The following CHRM3 variants were observed in gnomAD, a reference collection of about 807,000 sequenced individuals.
CHRM3 encodes the protein muscarinic acetylcholine receptor M3.
A neutral mutation model predicts 41.8 loss-of-function variants in CHRM3; 11 were observed. That is an observed-to-expected ratio of 0.26 (90% CI 0.17 to 0.44). CHRM3 has a LOEUF of 0.44. Ranked by LOEUF, CHRM3 falls within the 20% of genes least tolerant of loss-of-function variation. The pLI is 1.00. For missense variants in CHRM3, 571 were observed against 745.4 expected (o/e 0.77, Z 2.72); for synonymous variants, 297 against 301.4 (o/e 0.99, Z 0.15).
intron 1 of CHRM3, among the ~76,000 whole-genome samples, chr1:239,473,311 G>C (rs1009421717): frequency 4.3e-5 from 6 of 140,430 alleles, no homozygotes; most frequent in African/African-American, 1.6e-4. Flanking sequence ...GCAAGTCAGA[G>C]ACTGGGGAAA....
intron 1 of CHRM3, among the ~76,000 whole-genome samples, chr1:239,431,893 C>A (rs1662862743): frequency 6.6e-6 from 1 of 152,106 alleles, no homozygotes; most frequent in Non-Finnish European, 1.5e-5. Flanking sequence ...TTAAATCTGC[C>A]AGAGCACTAA....
At chr1:239,645,673 A>G (rs1558415627) in intron 4 of CHRM3, among the ~76,000 whole-genome samples, 1 of 152,262 alleles carries the variant, frequency 6.6e-6, no homozygotes, top group Non-Finnish European at 1.5e-5. Flanking sequence ...TGTATTATAG[A>G]ATAGTGTTTA....
At chr1:239,541,997 T>C (rs1658828578) in intron 2 of CHRM3, among the ~76,000 whole-genome samples, 1 of 152,132 alleles carries the variant, frequency 6.6e-6, no homozygotes, top group Non-Finnish European at 1.5e-5. Context: ...CCGAAGAGCC[T>C]AGTGGAGTAT....
intron 6 of CHRM3, among the ~76,000 whole-genome samples, chr1:239,857,592 C>G (rs1471560587): frequency 6.6e-6 from 1 of 152,124 alleles, no homozygotes; most frequent in Non-Finnish European, 1.5e-5. Context: ...GGAAACTGAA[C>G]TACTGTGTGC....
intron 5 of CHRM3, among the ~76,000 whole-genome samples, chr1:239,740,624 C>T (rs972363551): frequency 2.6e-5 from 4 of 152,104 alleles, no homozygotes; most frequent in African/African-American, 9.7e-5. Flanking sequence ...CCCCTTGCCC[C>T]TCACCCCCTG....
intron 2 of CHRM3, among the ~76,000 whole-genome samples, chr1:239,497,601 C>T (rs754611124): frequency 4.6e-5 from 7 of 152,230 alleles, no homozygotes; most frequent in Non-Finnish European, 8.8e-5. Context: ...TCTGTACTCA[C>T]TTTTTATGCT....
intron 4 of CHRM3, among the ~76,000 whole-genome samples, chr1:239,662,253 C>G (rs2149016160): frequency 6.6e-6 from 1 of 152,038 alleles, no homozygotes; most frequent in Middle Eastern, 3.4e-3. Context: ...GCATAGAGTT[C>G]TAGTAATGAT....
chr1:239,532,542 G>A (rs1363212175), intron 2 of CHRM3, among the ~76,000 whole-genome samples: 1 of 150,414 alleles, frequency 6.6e-6, no homozygotes, highest in Admixed American at 6.6e-5. Flanking sequence ...GGAGAATGGC[G>A]TGAACCCGGG....
At chr1:239,446,534 T>C (rs1419296304) in intron 1 of CHRM3, among the ~76,000 whole-genome samples, 1 of 152,162 alleles carries the variant, frequency 6.6e-6, no homozygotes, top group Non-Finnish European at 1.5e-5. Flanking sequence ...AACTTAGAAA[T>C]GCAAATTAAA....
In CHRM3 at chr1:239,591,648, G is replaced by A. The variant is rs566375643; in HGVS notation, c.-312-40576G>A. Among the ~76,000 whole-genome samples the A allele has an allele frequency of 2.0e-5, 3 of 151,974 alleles. No homozygotes were observed. The East Asian group carries it at 5.8e-4, about 29-fold the overall frequency. ...ACAAGATTACTCTGAACTAAGATTCGGAAATGGCATTTTAATAGCCACTGA... is the reference window on the plus strand; with the variant it reads ...ACAAGATTACTCTGAACTAAGATTCAGAAATGGCATTTTAATAGCCACTGA... On this transcript the variant is annotated intron_variant, in intron 3 of 6. Transcript: ENST00000676153.
intron 1 of CHRM3, among the ~76,000 whole-genome samples, chr1:239,469,432 C>A (rs1181486255): frequency 2.6e-5 from 4 of 152,338 alleles, no homozygotes; most frequent in African/African-American, 7.2e-5. Flanking sequence ...TTAACAAATG[C>A]ACGTTTGAGG....
chr1:239,637,517 CTTTTTTTTT>C (rs149963225), intron 4 of CHRM3, among the ~76,000 whole-genome samples: 1 of 48,514 alleles, frequency 2.1e-5, no homozygotes, highest in Non-Finnish European at 3.5e-5. Flanking sequence ...TCATCAAAGT[CTTTTTTTTT>C]TTTTTTTTTT....
intron 5 of CHRM3, among the ~76,000 whole-genome samples, chr1:239,720,502 G>A (rs10925956): frequency 7.8e-4 from 118 of 151,708 alleles, no homozygotes; most frequent in South Asian, 2.1e-3. Context: ...GCCACTCAAC[G>A]CCAGACTTTT....
At position 239,822,457 on chromosome 1, in the gene CHRM3, C is replaced by T. The variant is rs531019291; in HGVS notation, c.-146-4795C>T. 3.9e-5 allele frequency among the ~76,000 whole-genome samples: 6 copies of T among 152,246 alleles called. No homozygotes were observed. The South Asian group carries it at 1.2e-3, about 32-fold the overall frequency. On this transcript the variant is annotated intron_variant, in intron 5 of 6. Transcript: ENST00000676153. ...ACCAGAACATCCAAAGGTGGATGTG[C>T]GGTGATTATAATGATTTATCTAGCA...
chr1:239,402,635 C>A (rs563181044), intron 1 of CHRM3, among the ~76,000 whole-genome samples: 1 of 152,278 alleles, frequency 6.6e-6, no homozygotes, highest in Admixed American at 6.5e-5. Flanking sequence ...CAAATTTATT[C>A]TCCCTAGCTT....
intron 5 of CHRM3, among the ~76,000 whole-genome samples, chr1:239,775,761 G>A (rs886364484): frequency 6.6e-6 from 1 of 152,206 alleles, no homozygotes; most frequent in African/African-American, 2.4e-5. Flanking sequence ...GAGAAATCGA[G>A]AGGCGAAACA....
Position 239,631,138 on chromosome 1 carries a change from T to C in CHRM3, c.-312-1086T>C, listed in dbSNP as rs566763545. On this transcript the variant is annotated intron_variant, in intron 3 of 6. Coordinates refer to ENST00000676153, the MANE Select transcript of CHRM3 (RefSeq NM_001375978.1). ...CTCAAACTGAAGAAGGAGCAATTAC[T>C]CTTGTCCCCCATATCCTTTGCATAT... is the stretch of plus-strand genomic sequence containing the variant. 3.0e-4 allele frequency among the ~76,000 whole-genome samples: 46 copies of C among 152,318 alleles called. No homozygotes were observed. The South Asian group carries it at 9.1e-3, about 30-fold the overall frequency.
At chr1:239,729,009 C>T (rs913271407) in intron 5 of CHRM3, among the ~76,000 whole-genome samples, 1 of 151,888 alleles carries the variant, frequency 6.6e-6, no homozygotes, top group Non-Finnish European at 1.5e-5. Flanking sequence ...CTGAGAATGA[C>T]ATGAACTTTA....
At chr1:239,500,758 G>A (rs140625268) in intron 2 of CHRM3, among the ~76,000 whole-genome samples, 2 of 151,394 alleles carry the variant, frequency 1.3e-5, no homozygotes, top group Admixed American at 6.6e-5. Context: ...AAAGCATGAC[G>A]AATGCAACAG....
Sources: gnomAD v4.1 joint callset for allele counts (sites outside exome capture counted in the v4.1 genomes callset) on GRCh38, gnomAD v4.1.1 for gene constraint, MANE v1.5 for transcripts, NCBI Gene and HGNC (gene_info 2026-07-23, HGNC 2026-07-21) for gene names.